TBC1D15: variants seen among roughly 807,000 people sequenced by gnomAD.
TBC1D15 encodes TBC1 domain family member 15, also known as GAP for RAB7.
TBC1D15 carries 39 observed loss-of-function variants against 95.4 expected under a neutral mutation model. The ratio of observed to expected loss-of-function variants is 0.41; its 90% CI spans 0.32 to 0.53. The LOEUF (loss-of-function observed/expected upper bound fraction) is 0.53. TBC1D15 is among the 20% of genes least tolerant of loss of function. The pLI is 0.29. For synonymous variants in TBC1D15, 258 were observed against 261.3 expected (o/e 0.99, Z 0.12); for missense variants, 733 against 794.3 (o/e 0.92, Z 0.93).
chr12:71,875,446 A>G (rs1235868179), intron 3 of TBC1D15, among the ~76,000 whole-genome samples: 1 of 152,028 alleles, frequency 6.6e-6, no homozygotes, highest in Non-Finnish European at 1.5e-5. Flanking sequence ...ATATCCAGGA[A>G]ACCAGTACCT....
At chr12:71,854,124 C>A (rs764847152) in intron 1 of TBC1D15, among the ~76,000 whole-genome samples, 27 of 152,208 alleles carry the variant, frequency 1.8e-4, no homozygotes, top group Non-Finnish European at 1.5e-4. Context: ...TTTCCCATAG[C>A]TGGGAACACA....
At chr12:71,852,647 C>T (rs1370697140) in intron 1 of TBC1D15, among the ~76,000 whole-genome samples, 1 of 152,192 alleles carries the variant, frequency 6.6e-6, no homozygotes, top group Non-Finnish European at 1.5e-5. Context: ...GAAATTTCTT[C>T]CACTGGATAC....
At chr12:71,905,421 G>T (rs116807464) in intron 10 of TBC1D15, among the ~76,000 whole-genome samples, 2,179 of 152,226 alleles carry the variant, frequency 0.014, 53 homozygotes, top group African/African-American at 0.05. Flanking sequence ...AACTTCCTGG[G>T]CTCAGATGGT....
At chr12:71,896,219 G>C in intron 8 of TBC1D15, 144 bp downstream of exon 8, 1 of 706,082 alleles carries the variant, frequency 1.4e-6, no homozygotes, top group Non-Finnish European at 2.2e-6. Flanking sequence ...AATGAACTCT[G>C]TTATTTCTTT....
chr12:71,877,192 ATGTG>A (rs901468386), intron 3 of TBC1D15, among the ~76,000 whole-genome samples: 2 of 141,830 alleles, frequency 1.4e-5, no homozygotes, highest in African/African-American at 5.2e-5. Context: ...ATCCCATGTT[ATGTG>A]TGTGTGTGTG....
chr12:71,860,863 A>C (rs76099186), intron 1 of TBC1D15, among the ~76,000 whole-genome samples: 155 of 152,160 alleles, frequency 1.0e-3, no homozygotes, highest in Admixed American at 4.1e-3. Context: ...TGTAGAGTTC[A>C]TTGTGTTCAA....
chr12:71,867,815 T>A (rs1592724518), intron 1 of TBC1D15, among the ~76,000 whole-genome samples: 2 of 152,292 alleles, frequency 1.3e-5, no homozygotes, highest in South Asian at 2.1e-4. Flanking sequence ...GTCCATTTCC[T>A]TTGAGCTTGA....
intron 10 of TBC1D15, among the ~76,000 whole-genome samples, chr12:71,902,336 G>A (rs1276535523): frequency 1.3e-5 from 2 of 152,162 alleles, no homozygotes; most frequent in Non-Finnish European, 2.9e-5. Context: ...TATACTGCAA[G>A]GGTATAGTAA....
intron 11 of TBC1D15, among the ~76,000 whole-genome samples, chr12:71,912,155 T>C (rs1381631909): frequency 1.3e-5 from 2 of 152,180 alleles, no homozygotes; most frequent in South Asian, 2.1e-4. Context: ...CTGTGTCAGG[T>C]AGGAAAGTTC....
At chr12:71,895,176 C>T (rs1897923686) in intron 7 of TBC1D15, among the ~76,000 whole-genome samples, 1 of 151,996 alleles carries the variant, frequency 6.6e-6, no homozygotes, top group African/African-American at 2.4e-5. Flanking sequence ...TTCCTATTAC[C>T]TCTTAGTTCT....
intron 1 of TBC1D15, among the ~76,000 whole-genome samples, chr12:71,840,192 T>C (rs969606088): frequency 5.9e-5 from 9 of 152,240 alleles, no homozygotes; most frequent in African/African-American, 1.9e-4. Context: ...CTTTGAAGCG[T>C]TAACCCGACT....
chr12:71,892,336 G>A (rs7309856), intron 5 of TBC1D15, among the ~76,000 whole-genome samples: 35,605 of 151,664 alleles, frequency 0.23, 5,149 homozygotes, highest in African/African-American at 0.41. Flanking sequence ...AATTGAGAAG[G>A]GATAACTGTT....
At chr12:71,858,217 C>T (rs1045368652) in intron 1 of TBC1D15, among the ~76,000 whole-genome samples, 2 of 151,996 alleles carry the variant, frequency 1.3e-5, no homozygotes, top group Admixed American at 6.6e-5. Context: ...GAATTACTGG[C>T]ATGTACCACC....
Position 71,897,842 on chromosome 12 carries a change from T to A in TBC1D15, c.1089-5T>A. ...CTTTCTTTGATGTCAAATTGTTTTCTATAGTGATGAATACTTCAGAATGAA... is the reference window on the plus strand; with the variant it reads ...CTTTCTTTGATGTCAAATTGTTTTCAATAGTGATGAATACTTCAGAATGAA... On this transcript the variant is annotated splice_region_variant and splice_polypyrimidine_tract_variant and intron_variant, in intron 9 of 16. Coordinates refer to ENST00000485960, the MANE Select transcript of TBC1D15 (RefSeq NM_001146213.3). 1 of 1,608,938 alleles carries A rather than the reference T, an allele frequency of 6.2e-7. No individual in the cohort carries two copies.
rs1294128485 is a variant in TBC1D15, at chr12:71,884,734, G to A, written c.344-77G>A. On this transcript the variant is annotated intron_variant, in intron 4 of 16. Transcript: ENST00000485960. ...CCCTGGGTTCAACTAATTTATGTTA[G>A]GCAGTCATGGAGAGCACTGTCAGTA... 5.2e-6 allele frequency: 7 copies of A among 1,355,098 alleles called. No individual in the cohort carries two copies. The African/African-American group carries it at 1.0e-4, about 20-fold the overall frequency. 83.9% of individuals were successfully genotyped at this position (1,355,098 alleles called of 1,614,324 possible).
At chr12:71,841,852 A>G (rs1315189432) in intron 1 of TBC1D15, among the ~76,000 whole-genome samples, 1 of 152,048 alleles carries the variant, frequency 6.6e-6, no homozygotes, top group East Asian at 1.9e-4. Context: ...CGTCAGCATA[A>G]TAATAATAAT....
At position 71,862,222 on chromosome 12, in the gene TBC1D15, T is replaced by C. The variant is rs1249711840; in HGVS notation, c.31-9848T>C. Among the ~76,000 whole-genome samples the C allele has an allele frequency of 3.3e-5, 5 of 152,176 alleles. No individual in the cohort carries two copies. The East Asian group carries it at 9.6e-4, about 29-fold the overall frequency. On this transcript the variant is annotated intron_variant, in intron 1 of 16. Transcript: ENST00000485960. ...TCTAAAGTGCAGCTTAAATCCATTTTTTTTTTCTTGTTGATTTTCTGCCTA... is the reference window on the plus strand; with the variant it reads ...TCTAAAGTGCAGCTTAAATCCATTTCTTTTTTCTTGTTGATTTTCTGCCTA...
At chr12:71,871,099 AG>A (rs747498139) in intron 1 of TBC1D15, among the ~76,000 whole-genome samples, 11 of 152,204 alleles carry the variant, frequency 7.2e-5, no homozygotes, top group Non-Finnish European at 1.5e-4. Context: ...ATGGGTCTCA[AG>A]AATGGAATCT....
intron 11 of TBC1D15, among the ~76,000 whole-genome samples, chr12:71,912,286 C>T (rs1423901753): frequency 6.6e-6 from 1 of 152,022 alleles, no homozygotes; most frequent in Non-Finnish European, 1.5e-5. Flanking sequence ...TAGCTTTTTT[C>T]TCTAAATGTC....
Sources: gnomAD v4.1 joint callset for allele counts (sites outside exome capture counted in the v4.1 genomes callset) on GRCh38, gnomAD v4.1.1 for gene constraint, MANE v1.5 for transcripts, NCBI Gene and HGNC (gene_info 2026-07-23, HGNC 2026-07-21) for gene names.